Variants in CFHR4 observed in about 807,000 individuals in gnomAD.
CFHR4 encodes complement factor H-related protein 4.
Under a neutral mutation model 69.3 loss-of-function variants are expected in CFHR4, and 64 were observed. That is an observed-to-expected ratio of 0.92 (90% CI 0.76 to 1.14). CFHR4 has a LOEUF of 1.14. CFHR4 is among the 50% of genes most tolerant of loss of function. CFHR4 has a pLI of 0.00. For missense variants in CFHR4, 636 were observed against 684.9 expected, an observed-to-expected ratio of 0.93 and a Z score of 0.80; for synonymous variants, 244 against 237.0, an observed-to-expected ratio of 1.03 and a Z score of -0.27.
rs772776983 is a variant in CFHR4, at chr1:196,902,557, T to C, written c.198T>C (p.Ser66=). 6.2e-7 allele frequency: 1 copy of C among 1,612,392 alleles called. No homozygotes were observed. The highest frequency in any genetic ancestry group is 8.5e-7 in the Non-Finnish European group (1 of 1,179,312). ...AAAATTTTGTGACTCCTTCAGGAAGTTACTGGGATTACATTCATTGCACAC... is the reference window on the plus strand; with the variant it reads ...AAAATTTTGTGACTCCTTCAGGAAGCTACTGGGATTACATTCATTGCACAC... ...CDQNFVTPSG[S]YWDYIHCTQD... Residue 66 remains serine, a synonymous_variant, in exon 2 of 10, where the codon AGT becomes AGC. Transcript: ENST00000608469.
intron 2 of CFHR4, among the ~76,000 whole-genome samples, chr1:196,904,119 G>C (rs1380505978): frequency 6.6e-6 from 1 of 151,590 alleles, no homozygotes; most frequent in Non-Finnish European, 1.5e-5. Flanking sequence ...CTCTGGAAGG[G>C]AAGTCCCTTT....
In CFHR4 at chr1:196,910,465, A is replaced by T. The variant is rs752548939; in HGVS notation, c.984A>T (p.Thr328=). 17 of 1,612,014 alleles carry T rather than the reference A, an allele frequency of 1.1e-5. No homozygotes were observed. Among genetic ancestry groups the T allele is most frequent in the African/African-American group, 1.3e-5 (1 of 74,390 alleles). ...GCACACAAGATGGGTGGTTGCCAAC[A>T]GTCCCATGCCTCAGTAAGCAAACCT... ...IHCTQDGWLP[T]VPCLRTCSKS... Residue 328 remains threonine (T), a synonymous_variant, in exon 6 of 10, where the codon ACA becomes ACT. Transcript: ENST00000608469.
At chr1:196,903,456 C>A (rs1449759364) in intron 2 of CFHR4, among the ~76,000 whole-genome samples, 1 of 150,800 alleles carries the variant, frequency 6.6e-6, no homozygotes, top group Non-Finnish European at 1.5e-5. Flanking sequence ...AGTTCAAGAC[C>A]AGCCTGGTCA....
intron 1 of CFHR4, among the ~76,000 whole-genome samples, chr1:196,899,258 A>G (rs539543051): frequency 4.0e-5 from 6 of 151,452 alleles, no homozygotes; most frequent in African/African-American, 1.5e-4. Context: ...GTAAAGGTGA[A>G]CCATACTTAA....
chr1:196,907,855 G>A (rs1374922686), intron 5 of CFHR4, among the ~76,000 whole-genome samples: 1 of 150,940 alleles, frequency 6.6e-6, no homozygotes, highest in African/African-American at 2.4e-5. Context: ...AGTTTTCAAA[G>A]AGTTTTGAAA....
intron 5 of CFHR4, among the ~76,000 whole-genome samples, chr1:196,909,001 C>A (rs897421489): frequency 1.3e-5 from 2 of 151,396 alleles, no homozygotes; most frequent in African/African-American, 4.9e-5. Context: ...ATGTGTAAGT[C>A]CGGGCTCCAA....
chr1:196,898,894 G>GC (rs1657449373), intron 1 of CFHR4, among the ~76,000 whole-genome samples: 1 of 151,536 alleles, frequency 6.6e-6, no homozygotes, highest in South Asian at 2.1e-4. Flanking sequence ...TCCACAGGTT[G>GC]CTTGAATGGC....
At chr1:196,915,466 C>A (rs4044592) in intron 9 of CFHR4, among the ~76,000 whole-genome samples, 1 of 150,118 alleles carries the variant, frequency 6.7e-6, no homozygotes, top group East Asian at 1.9e-4. Flanking sequence ...TGAACCCTGT[C>A]TCTACAAAAA....
chr1:196,916,066 C>T lies in CFHR4; in HGVS notation c.1540+928C>T, dbSNP rs193207032. Among the ~76,000 whole-genome samples, 57 of 151,632 alleles carry T rather than the reference C, an allele frequency of 3.8e-4. 2 individuals are homozygous for T. Among genetic ancestry groups the T allele is most frequent in the Non-Finnish European group, 5.9e-4 (40 of 67,942 alleles). On this transcript the variant is annotated intron_variant, in intron 9 of 9. Transcript: ENST00000608469. The stretch of plus-strand genomic sequence containing the variant: ...GCCATTTCCACAACCCATTGCTTTT[C>T]CATTTTTACCTTATTCTCCTCTTCC...
At chr1:196,910,171 GA>G (rs371367197) in intron 5 of CFHR4, 109 bp from the exon 6 acceptor site, 5,678 of 482,508 alleles carry the variant, frequency 0.012, 71 homozygotes, top group African/African-American at 0.044. Context: ...AAAAAGTAAA[GA>G]AAAAAAAAAA....
chr1:196,900,226 G>C (rs1323207648), intron 1 of CFHR4, among the ~76,000 whole-genome samples: 1 of 150,998 alleles, frequency 6.6e-6, no homozygotes, highest in Non-Finnish European at 1.5e-5. Context: ...AACTGCTTGT[G>C]AGTCTACAAT....
At chr1:196,902,747 A>T in intron 2 of CFHR4, 132 bp downstream of exon 2, 1 of 631,346 alleles carries the variant, frequency 1.6e-6, no homozygotes, top group Non-Finnish European at 2.7e-6. Context: ...AAAAGACCAA[A>T]ATGGATCTTT....
rs551159807 is a variant in CFHR4 at position 196,907,161 on chromosome 1, G to A, written c.616+124G>A. The stretch of plus-strand genomic sequence containing the variant: ...ATATACATGTAGTCCTCATTTGAGT[G>A]TGAATTACCTTGAAACTTAAAAAAA... On this transcript the variant is annotated intron_variant, in intron 4 of 9. Coordinates refer to ENST00000608469, the MANE Select transcript of CFHR4 (RefSeq NM_001201550.3). 14 of 1,186,638 alleles carry A rather than the reference G, an allele frequency of 1.2e-5. No individual in the cohort carries two copies. The African/African-American group carries it at 2.2e-4, about 19-fold the overall frequency. The allele number at this position is 1,186,638 out of a possible 1,614,324, so 73.5% of individuals were successfully genotyped here.
chr1:196,916,856 A>T (rs1658666817), intron 9 of CFHR4, among the ~76,000 whole-genome samples: 1 of 151,530 alleles, frequency 6.6e-6, no homozygotes, highest in Admixed American at 6.6e-5. Context: ...AGTCTTCAAA[A>T]CTAAAGAAGC....
chr1:196,902,784 A>G (rs1657696705), intron 2 of CFHR4, among the ~76,000 whole-genome samples, 169 bp downstream of exon 2: 1 of 151,578 alleles, frequency 6.6e-6, no homozygotes, highest in Non-Finnish European at 1.5e-5. Flanking sequence ...CGTGAAAATT[A>G]CATGAGAAAT....
chr1:196,910,149 CTA>C, intron 5 of CFHR4, 130 bp from the exon 6 acceptor site: 10 of 535,744 alleles, frequency 1.9e-5, no homozygotes, highest in African/African-American at 1.2e-4. Flanking sequence ...GAAATTTCAT[CTA>C]AAAAAAAAAA....
Position 196,897,999 on chromosome 1 carries a change from T to C in CFHR4, c.59-4419T>C, listed in dbSNP as rs570974259. ...CTGAAAGACTTCTGTGTGGAATACATGGATGGTTAACACTGTAAGTCCTTA... is the reference window on the plus strand; with the variant it reads ...CTGAAAGACTTCTGTGTGGAATACACGGATGGTTAACACTGTAAGTCCTTA... On this transcript the variant is annotated intron_variant, in intron 1 of 9. Coordinates refer to ENST00000608469, the MANE Select transcript of CFHR4 (RefSeq NM_001201550.3). Among the ~76,000 whole-genome samples, 94 of 151,634 alleles carry C rather than the reference T, an allele frequency of 6.2e-4. 1 individual carries two copies. The highest frequency in any genetic ancestry group is 1.8e-3 in the African/African-American group (76 of 41,170).
At chr1:196,889,155 G>A (rs1448358534) in intron 1 of CFHR4, among the ~76,000 whole-genome samples, 8 of 151,418 alleles carry the variant, frequency 5.3e-5, no homozygotes, top group Non-Finnish European at 1.2e-4. Context: ...ATTATTGAGA[G>A]TATCTTTTCC....
chr1:196,891,605 G>A (rs7367184), intron 1 of CFHR4, among the ~76,000 whole-genome samples: 34,788 of 151,218 alleles, frequency 0.23, 5,917 homozygotes, highest in East Asian at 0.73. Context: ...GATTTATGAT[G>A]ATTCAAACTT....
Sources: allele counts gnomAD v4.1 joint callset (sites outside exome capture counted in the v4.1 genomes callset), GRCh38; gene constraint gnomAD v4.1.1; transcripts MANE v1.5; gene names NCBI Gene and HGNC (gene_info 2026-07-23, HGNC 2026-07-21).